The following PROSER2 variants were observed in gnomAD, a reference collection of about 807,000 sequenced individuals.
PROSER2 encodes the protein proline and serine-rich protein 2.
In PROSER2, 18 loss-of-function variants were observed where a neutral mutation model predicts 14.6. The observed-to-expected ratio is 1.23, with a 90% confidence interval of 0.85 to 1.83. The LOEUF (loss-of-function observed/expected upper bound fraction) is 1.83, where lower values mean the gene tolerates loss of function less well. Among genes scored for constraint, PROSER2 ranks in the 40% most tolerant of loss-of-function variants. The pLI is 0.00. For missense variants in PROSER2, 823 were observed against 629.8 expected (o/e 1.31, Z -3.28); for synonymous variants, 367 against 286.4 (o/e 1.28, Z -2.84).
intron 1 of PROSER2, among the ~76,000 whole-genome samples, chr10:11,841,416 T>G (rs987700678): frequency 2.0e-5 from 3 of 152,154 alleles, no homozygotes; most frequent in African/African-American, 7.2e-5. Context: ...CTACTGTATG[T>G]TTTTCTATTT....
Position 11,823,912 on chromosome 10 carries a change from C to G in PROSER2, c.-82+442C>G, listed in dbSNP as rs1833576398. Reference sequence around the variant, plus strand: ...GCGGGTCCGACACGGCGGGCGGAGCCACCTGTTCCACCCGGGCCCCCAGGT... The same window carrying G: ...GCGGGTCCGACACGGCGGGCGGAGCGACCTGTTCCACCCGGGCCCCCAGGT... On this transcript the variant is annotated intron_variant, in intron 1 of 3. Coordinates refer to ENST00000277570, the MANE Select transcript of PROSER2 (RefSeq NM_153256.4). The surrounding 1 kb of genome is among the most constrained non-coding windows in gnomAD (Gnocchi z 6.2). Among the ~76,000 whole-genome samples, 1 of 152,128 alleles carries G rather than the reference C, an allele frequency of 6.6e-6. No individual in the cohort carries two copies. The highest frequency in any genetic ancestry group is 1.5e-5 in the Non-Finnish European group (1 of 67,992).
At position 11,838,827 on chromosome 10, in the gene PROSER2, A is replaced by AT. The variant is rs925107591; in HGVS notation, c.-81-13163dup. The stretch of plus-strand genomic sequence containing the variant: ...TGTCTAATCATATTCCTTGTTCATT[A>AT]TTTTTTTCTGAGTTTCTTATTAGTT... On this transcript the variant is annotated intron_variant, in intron 1 of 3. Transcript: ENST00000277570. This position sits in a 1 kb window ranked among gnomAD's most constrained non-coding sequence, Gnocchi z 4.4. Among the ~76,000 whole-genome samples the AT allele has an allele frequency of 5.9e-5, 9 of 151,910 alleles. No homozygotes were observed. In the East Asian group the frequency reaches 1.5e-3, roughly 26 times the overall value.
chr10:11,864,980 A>C (rs1238801607), intron 2 of PROSER2, among the ~76,000 whole-genome samples: 1 of 152,166 alleles, frequency 6.6e-6, no homozygotes, highest in East Asian at 1.9e-4. Context: ...GAAATGTCAC[A>C]ATGATGCATA....
At chr10:11,855,697 G>A (rs1834112223) in intron 2 of PROSER2, among the ~76,000 whole-genome samples, 1 of 152,166 alleles carries the variant, frequency 6.6e-6, no homozygotes, top group South Asian at 2.1e-4. Context: ...CCTGAGGCAG[G>A]AGGATCACTT....
intron 1 of PROSER2, among the ~76,000 whole-genome samples, chr10:11,832,439 A>T (rs1833700883): frequency 6.6e-6 from 1 of 152,112 alleles, no homozygotes; most frequent in African/African-American, 2.4e-5. Flanking sequence ...CATTTTTAAG[A>T]TTAATTTTGT....
intron 1 of PROSER2, among the ~76,000 whole-genome samples, chr10:11,831,095 T>C (rs1833683937): frequency 6.6e-6 from 1 of 152,204 alleles, no homozygotes; most frequent in African/African-American, 2.4e-5. Flanking sequence ...AGATAAGATA[T>C]GTAAATCAGA....
At chr10:11,844,545 T>C (rs1833897221) in intron 1 of PROSER2, among the ~76,000 whole-genome samples, 1 of 152,226 alleles carries the variant, frequency 6.6e-6, no homozygotes. Flanking sequence ...GTATTTTATA[T>C]ATAGTCCTAG....
At position 11,837,836 on chromosome 10, in the gene PROSER2, G is replaced by A. The variant is rs969997831; in HGVS notation, c.-81-14161G>A. ...TTCAGTAAAGTGCGTTGGGTTAACC[G>A]TTCCCTGGTTAGTTTTGAGCTGAAC... is the stretch of plus-strand genomic sequence containing the variant. On this transcript the variant is annotated intron_variant, in intron 1 of 3. Coordinates refer to ENST00000277570, the MANE Select transcript of PROSER2 (RefSeq NM_153256.4). This position sits in a 1 kb window ranked among gnomAD's most constrained non-coding sequence, Gnocchi z 4.6. 4.7e-5 allele frequency among the ~76,000 whole-genome samples: 7 copies of A among 149,272 alleles called. No homozygotes were observed. The highest frequency in any genetic ancestry group is 4.2e-4 in the South Asian group (2 of 4,810).
chr10:11,840,940 AAAAAAAAAAAAAAAAATATATATATAT>A (rs1430775857), intron 1 of PROSER2, among the ~76,000 whole-genome samples: 11 of 68,048 alleles, frequency 1.6e-4, no homozygotes, highest in South Asian at 4.3e-4. Flanking sequence ...AAAAAAAAAA[AAAAAAAAAAAAAAAAATATATATATAT>A]ATATATATAT....
At chr10:11,852,931 C>T (rs1487752513) in intron 2 of PROSER2, among the ~76,000 whole-genome samples, 2 of 152,122 alleles carry the variant, frequency 1.3e-5, no homozygotes, top group South Asian at 4.1e-4. Flanking sequence ...GAATCCAGAC[C>T]TTTGCATAGC....
chr10:11,838,137 C>T lies in PROSER2; in HGVS notation c.-81-13860C>T, dbSNP rs555586386. The stretch of plus-strand genomic sequence containing the variant: ...GTAGCAGCCAGACTCAGGTGCCCTC[C>T]GGTGAGTGAGGCGGGCGGGTGTCTA... On this transcript the variant is annotated intron_variant, in intron 1 of 3. Coordinates refer to ENST00000277570, the MANE Select transcript of PROSER2 (RefSeq NM_153256.4). This position sits in a 1 kb window ranked among gnomAD's most constrained non-coding sequence, Gnocchi z 4.4. Among the ~76,000 whole-genome samples the T allele has an allele frequency of 5.9e-5, 9 of 152,206 alleles. No homozygotes were observed. The East Asian group carries it at 9.6e-4, about 16-fold the overall frequency.
intron 1 of PROSER2, among the ~76,000 whole-genome samples, chr10:11,827,419 C>T (rs117136677): frequency 4.6e-5 from 7 of 152,174 alleles, no homozygotes; most frequent in Non-Finnish European, 8.8e-5. Flanking sequence ...GTATAGGGCT[C>T]GGTTTGTATA....
rs1383569769 is a variant in PROSER2 at position 11,870,065 on chromosome 10, C to T, written c.967C>T (p.Pro323Ser). 79 of 1,250,940 alleles carry T rather than the reference C, an allele frequency of 6.3e-5. No homozygotes were observed. The South Asian group carries it at 8.4e-4, about 13-fold the overall frequency. 77.5% of individuals were successfully genotyped at this position (1,250,940 alleles called of 1,614,324 possible). ...PERVARGRGL[P>S]GPAESLRAGG... Reference sequence around the variant, plus strand: ...GCGGGTGGCGCGTGGCCGGGGCCTGCCGGGCCCCGCTGAGAGTCTCCGGGC... The same window carrying T: ...GCGGGTGGCGCGTGGCCGGGGCCTGTCGGGCCCCGCTGAGAGTCTCCGGGC... The change falls in exon 4 of 4, where the codon CCG becomes TCG. Residue 323 changes from proline to serine, a missense_variant. By Grantham distance (74) the Pro-to-Ser change is moderately conservative. Coordinates refer to ENST00000277570, the MANE Select transcript of PROSER2 (RefSeq NM_153256.4).
At position 11,870,455 on chromosome 10, in the gene PROSER2, G is replaced by A. The variant is rs1564317058; in HGVS notation, c.*49G>A. 1.5e-6 allele frequency: 2 copies of A among 1,368,508 alleles called. No homozygotes were observed. Among genetic ancestry groups the A allele is most frequent in the South Asian group, 1.6e-5 (1 of 62,706 alleles). 84.8% of individuals were successfully genotyped at this position (1,368,508 alleles called of 1,614,324 possible). The stretch of plus-strand genomic sequence containing the variant: ...CCCGTTTCTCCCCACCCTGAAGAGA[G>A]GGTGAAAGAGTCGCTGCACCCAGGA... On this transcript the variant is annotated 3_prime_UTR_variant, in exon 4 of 4. Transcript: ENST00000277570.
At position 11,838,618 on chromosome 10, in the gene PROSER2, T is replaced by C. The variant is rs1833795069; in HGVS notation, c.-81-13379T>C. On this transcript the variant is annotated intron_variant, in intron 1 of 3. Transcript: ENST00000277570. This position sits in a 1 kb window ranked among gnomAD's most constrained non-coding sequence, Gnocchi z 4.4. Reference sequence around the variant, plus strand: ...CCTACAGAAAGGTTGTATGAATTCATTCCCAGCAGGTTCACCAAGGTTGAC... The same window carrying C: ...CCTACAGAAAGGTTGTATGAATTCACTCCCAGCAGGTTCACCAAGGTTGAC... Among the ~76,000 whole-genome samples the C allele has an allele frequency of 2.0e-5, 3 of 152,194 alleles. No homozygotes were observed. The highest frequency in any genetic ancestry group is 4.4e-5 in the Non-Finnish European group (3 of 68,012).
chr10:11,840,758 C>G (rs189835830), intron 1 of PROSER2, among the ~76,000 whole-genome samples: 1,737 of 151,258 alleles, frequency 0.011, 25 homozygotes, highest in Admixed American at 0.026. Flanking sequence ...AACCCTGTCT[C>G]TACTAAAAAT....
intron 1 of PROSER2, among the ~76,000 whole-genome samples, chr10:11,843,851 CA>C (rs1233206645): frequency 1.3e-5 from 2 of 148,952 alleles, no homozygotes; most frequent in Admixed American, 6.7e-5. Flanking sequence ...AACTCCATCT[CA>C]AAAAAAAGAA....
At chr10:11,825,021 A>T (rs2131040271) in intron 1 of PROSER2, among the ~76,000 whole-genome samples, 1 of 152,318 alleles carries the variant, frequency 6.6e-6, no homozygotes, top group Non-Finnish European at 1.5e-5. Context: ...TCTAGATAAC[A>T]GCCACATGGC....
intron 1 of PROSER2, among the ~76,000 whole-genome samples, chr10:11,824,377 G>A (rs893772553): frequency 1.3e-5 from 2 of 152,182 alleles, no homozygotes; most frequent in Non-Finnish European, 2.9e-5. Context: ...ACCAAACCAG[G>A]CGTACGTGGA....
Sources: allele counts gnomAD v4.1 joint callset (sites outside exome capture counted in the v4.1 genomes callset), GRCh38; gene constraint gnomAD v4.1.1; non-coding constraint Gnocchi (gnomAD v3.1); transcripts MANE v1.5; gene names NCBI Gene and HGNC (gene_info 2026-07-23, HGNC 2026-07-21).